SQLE: variants seen among roughly 807,000 people sequenced by gnomAD.
SQLE encodes squalene epoxidase.
In SQLE, 29 loss-of-function variants were observed where a neutral mutation model predicts 60.7. That is an observed-to-expected ratio of 0.48 (90% CI 0.36 to 0.65). The LOEUF (loss-of-function observed/expected upper bound fraction) is 0.65, where lower values mean the gene tolerates loss of function less well. Among genes scored for constraint, SQLE ranks in the 30% least tolerant of loss-of-function variants. The pLI is 0.00. For missense variants in SQLE, 605 were observed against 684.1 expected, an observed-to-expected ratio of 0.88 and a Z score of 1.29; for synonymous variants, 237 against 246.8, an observed-to-expected ratio of 0.96 and a Z score of 0.37.
In SQLE at chr8:125,003,166, T is replaced by A. The variant is rs749253601; in HGVS notation, c.292-10T>A. ...TTGGATACCTAGTTTACCTTTTTTT[T>A]TTTAAACAGCGCAGAAAAGGAACCA... On this transcript the variant is annotated splice_polypyrimidine_tract_variant and intron_variant, in intron 1 of 10. Transcript: ENST00000265896. 2.6e-5 allele frequency: 41 copies of A among 1,581,686 alleles called. No homozygotes were observed. Among genetic ancestry groups the A allele is most frequent in the Non-Finnish European group, 3.3e-5 (39 of 1,166,400 alleles).
At chr8:125,004,845 G>T (rs1814922342) in intron 2 of SQLE, among the ~76,000 whole-genome samples, 2 of 151,950 alleles carry the variant, frequency 1.3e-5, no homozygotes, top group African/African-American at 4.8e-5. Context: ...TCTATTGAAA[G>T]TTTTTTATTT....
chr8:125,008,385 G>A (rs1304299798), intron 4 of SQLE, among the ~76,000 whole-genome samples: 4 of 152,042 alleles, frequency 2.6e-5, no homozygotes, highest in Non-Finnish European at 5.9e-5. Context: ...CACCGCACCC[G>A]GCCAATTTTT....
intron 9 of SQLE, among the ~76,000 whole-genome samples, chr8:125,019,495 TACA>T (rs2129911793): frequency 6.6e-6 from 1 of 152,134 alleles, no homozygotes; most frequent in South Asian, 2.1e-4. Flanking sequence ...TATAGCTCAC[TACA>T]GTGAGCTATA....
chr8:125,016,919 G>A lies in SQLE; in HGVS notation c.1205-1140G>A, dbSNP rs1815119877. On this transcript the variant is annotated intron_variant, in intron 7 of 10. Transcript: ENST00000265896. This position sits in a 1 kb window ranked among gnomAD's most constrained non-coding sequence, Gnocchi z 4.1. ...TGGGTAATATCTGGGAGAATTCCCT[G>A]GATTATCAGGAAAAGAACTCTTGGT... 6.6e-6 allele frequency among the ~76,000 whole-genome samples: 1 copy of A among 152,106 alleles called. No individual in the cohort carries two copies. Among genetic ancestry groups the A allele is most frequent in the Non-Finnish European group, 1.5e-5 (1 of 68,016 alleles).
In SQLE at chr8:125,020,816, C is replaced by T. The variant is rs770022866; in HGVS notation, c.1477C>T (p.Leu493Phe). Residue 493 changes from leucine to phenylalanine, a missense_variant, in exon 10 of 11, where the codon CTT becomes TTT. Transcript: ENST00000265896. ...GCATCAACTAAGAAAAGCCTGTTTT[C>T]TTTATTTCAAACTTGGTGGCGAATG... Reference protein sequence around the residue: ...SLHQLRKACFLYFKLGGECVA... With the variant: ...SLHQLRKACFFYFKLGGECVA... 1 of 1,613,274 alleles carries T rather than the reference C, an allele frequency of 6.2e-7. No individual in the cohort carries two copies. The highest frequency in any genetic ancestry group is 1.1e-5 in the South Asian group (1 of 91,028).
At chr8:125,012,576 A>G (rs1201068143) in intron 7 of SQLE, among the ~76,000 whole-genome samples, 2 of 152,132 alleles carry the variant, frequency 1.3e-5, no homozygotes, top group East Asian at 1.9e-4. Flanking sequence ...ATGTTGTAGC[A>G]TGTTTCAGTT....
intron 1 of SQLE, among the ~76,000 whole-genome samples, chr8:125,000,893 T>A (rs2129868032): frequency 6.6e-6 from 1 of 152,344 alleles, no homozygotes; most frequent in South Asian, 2.1e-4. Flanking sequence ...TGCGCCACCA[T>A]TTCTGGATGT....
At chr8:125,000,787 G>C (rs1485674817) in intron 1 of SQLE, among the ~76,000 whole-genome samples, 1 of 152,134 alleles carries the variant, frequency 6.6e-6, no homozygotes, top group Non-Finnish European at 1.5e-5. Context: ...CATTGCAGTT[G>C]CTGTATGGAG....
At position 125,001,725 on chromosome 8, in the gene SQLE, G is replaced by C. The variant is rs1243043711; in HGVS notation, c.292-1451G>C. ...TTCCCAGTCCACTATAGAGGTAAAAGAATGCTGGGTGGATATTAGAATCAC... is the reference window on the plus strand; with the variant it reads ...TTCCCAGTCCACTATAGAGGTAAAACAATGCTGGGTGGATATTAGAATCAC... On this transcript the variant is annotated intron_variant, in intron 1 of 10. Coordinates refer to ENST00000265896, the MANE Select transcript of SQLE (RefSeq NM_003129.4). Among the ~76,000 whole-genome samples, 4 of 150,966 alleles carry C rather than the reference G, an allele frequency of 2.6e-5. No individual in the cohort carries two copies. In the East Asian group the frequency reaches 7.7e-4, roughly 29 times the overall value.
At chr8:125,002,949 T>C (rs1035777348) in intron 1 of SQLE, among the ~76,000 whole-genome samples, 3 of 152,196 alleles carry the variant, frequency 2.0e-5, no homozygotes, top group African/African-American at 7.2e-5. Context: ...ACAATAAATA[T>C]TTAATTTTAT....
chr8:125,008,910 A>G, intron 4 of SQLE, 61 bp from the exon 5 acceptor site: 1 of 1,208,280 alleles, frequency 8.3e-7, no homozygotes, highest in Non-Finnish European at 1.1e-6. Context: ...TTTTTTAAGA[A>G]TGGCTTTTTT....
At chr8:125,021,439 CAA>C (rs148368274) in intron 10 of SQLE, among the ~76,000 whole-genome samples, 7 of 143,800 alleles carry the variant, frequency 4.9e-5, no homozygotes, top group Non-Finnish European at 9.0e-5. Context: ...GATGAGTAAA[CAA>C]ACAGCTAAAA....
At chr8:125,020,919 G>A (rs756156914) in intron 10 of SQLE, 48 bp downstream of exon 10, 2 of 1,336,454 alleles carry the variant, frequency 1.5e-6, no homozygotes, top group Non-Finnish European at 2.1e-6. Flanking sequence ...ATTTTCTTAG[G>A]ACTGTTCAGT....
At chr8:125,015,764 G>C (rs566521755) in intron 7 of SQLE, among the ~76,000 whole-genome samples, 1 of 152,062 alleles carries the variant, frequency 6.6e-6, no homozygotes, top group Non-Finnish European at 1.5e-5. Context: ...AACTCACTTC[G>C]GCATTTCTTG....
intron 7 of SQLE, among the ~76,000 whole-genome samples, chr8:125,017,267 G>A (rs1354724489): frequency 1.3e-5 from 2 of 151,958 alleles, no homozygotes; most frequent in East Asian, 3.9e-4. Context: ...GCCTGGAGTT[G>A]GGAAACTTAG....
intron 3 of SQLE, among the ~76,000 whole-genome samples, chr8:125,006,348 C>T (rs1408092295): frequency 2.0e-5 from 3 of 152,042 alleles, no homozygotes; most frequent in South Asian, 2.1e-4. Context: ...CGGCCAGGTG[C>T]GGTGGCTCAT....
At chr8:125,020,658 T>C (rs1400463810) in intron 9 of SQLE, 126 bp from the exon 10 acceptor site, 1 of 616,388 alleles carries the variant, frequency 1.6e-6, no homozygotes, top group East Asian at 2.9e-5. Context: ...GTTGAAATTC[T>C]AGGACTAGAT....
At position 124,999,110 on chromosome 8, in the gene SQLE, A is replaced by G; in HGVS notation, c.-294A>G. 2.9e-6 allele frequency: 1 copy of G among 346,770 alleles called. No individual in the cohort carries two copies. Among genetic ancestry groups the G allele is most frequent in the Admixed American group, 4.7e-5 (1 of 21,116 alleles). The allele number at this position is 346,770 out of a possible 1,614,324, so 21.5% of individuals were successfully genotyped here. Reference sequence around the variant, plus strand: ...ACACCATCAAAAAAGAAAAAAAGGGAATATCTGGATTTCCTGGGCGAGGAG... The same window carrying G: ...ACACCATCAAAAAAGAAAAAAAGGGGATATCTGGATTTCCTGGGCGAGGAG... On this transcript the variant is annotated 5_prime_UTR_variant, in exon 1 of 11. Transcript: ENST00000265896.
At chr8:125,008,415 T>C (rs1411680636) in intron 4 of SQLE, among the ~76,000 whole-genome samples, 1 of 151,962 alleles carries the variant, frequency 6.6e-6, no homozygotes, top group Non-Finnish European at 1.5e-5. Context: ...AAAAAAAAAT[T>C]ATCGTAGTAA....
Sources: allele counts gnomAD v4.1 joint callset (sites outside exome capture counted in the v4.1 genomes callset), GRCh38; gene constraint gnomAD v4.1.1; non-coding constraint Gnocchi (gnomAD v3.1); transcripts MANE v1.5; gene names NCBI Gene and HGNC (gene_info 2026-07-23, HGNC 2026-07-21).